ZC3H3: variants seen among roughly 807,000 people sequenced by gnomAD.
ZC3H3 encodes zinc finger CCCH-type containing 3.
ZC3H3 carries 36 observed loss-of-function variants against 77.3 expected under a neutral mutation model. The ratio of observed to expected loss-of-function variants is 0.47; its 90% CI spans 0.36 to 0.61. The LOEUF is 0.61. Among genes scored for constraint, ZC3H3 ranks in the 20% least tolerant of loss-of-function variants. ZC3H3 has a pLI of 0.00. For synonymous variants in ZC3H3, 626 were observed against 555.2 expected, an observed-to-expected ratio of 1.13 and a Z score of -1.79; for missense variants, 1,331 against 1,312.2, an observed-to-expected ratio of 1.01 and a Z score of -0.22.
At chr8:143,525,763 A>C (rs1369640544) in intron 3 of ZC3H3, among the ~76,000 whole-genome samples, 1 of 152,268 alleles carries the variant, frequency 6.6e-6, no homozygotes, top group Admixed American at 6.5e-5. Context: ...CCACGCAGTG[A>C]CCAGAGCTGG....
chr8:143,479,662 A>G (rs1820853105), intron 4 of ZC3H3, among the ~76,000 whole-genome samples: 2 of 152,242 alleles, frequency 1.3e-5, no homozygotes, highest in African/African-American at 4.8e-5. Flanking sequence ...TCCATTTGAA[A>G]TACTACAGCA....
intron 9 of ZC3H3, among the ~76,000 whole-genome samples, chr8:143,446,188 T>A (rs1323228865): frequency 6.6e-6 from 1 of 152,130 alleles, no homozygotes; most frequent in Admixed American, 6.5e-5. Context: ...TCCAGCTGGA[T>A]GAAAGTCTCA....
intron 3 of ZC3H3, among the ~76,000 whole-genome samples, chr8:143,511,312 C>G (rs1348447228): frequency 6.6e-6 from 1 of 152,246 alleles, no homozygotes; most frequent in African/African-American, 2.4e-5. Flanking sequence ...AATTCCAACA[C>G]AGATGGCTGG....
At chr8:143,505,670 G>A (rs185136435) in intron 4 of ZC3H3, among the ~76,000 whole-genome samples, 24 of 152,290 alleles carry the variant, frequency 1.6e-4, no homozygotes, top group African/African-American at 5.8e-4. Flanking sequence ...AGGAAAGCAA[G>A]GAGGGCCCCT....
rs187902174 is a variant in ZC3H3, at chr8:143,438,092, G to A, written c.2816-5C>T. 1.4e-3 allele frequency: 2,242 copies of A among 1,608,584 alleles called. 14 individuals are homozygous for A. The African/African-American group carries it at 0.016, about 11-fold the overall frequency. On this transcript the variant is annotated splice_polypyrimidine_tract_variant and splice_region_variant and intron_variant, in intron 11 of 11. Transcript: ENST00000262577. ...GTTTGATGTGCAGAGGCTTCCCTAT[G>A]CAAAGAGGGCAAAAGTTAGGTGCCC...
At position 143,541,399 on chromosome 8, in the gene ZC3H3, C is replaced by T; in HGVS notation, c.23G>A (p.Arg8Gln). Residue 8 changes from arginine to glutamine, a missense_variant, in exon 1 of 12, where the codon CGG (arginine) becomes CAG (glutamine). Transcript: ENST00000262577. MEEKEILRRQIRLLQGLI... is the reference protein window; with the variant it reads MEEKEILQRQIRLLQGLI... The stretch of plus-strand genomic sequence containing the variant: ...ACCCTGCAGTAGGCGGATCTGCCGC[C>T]GTAATATCTCCTTTTCCTCCATCTC... 1.2e-6 allele frequency: 2 copies of T among 1,611,988 alleles called. No homozygotes were observed. Among genetic ancestry groups the T allele is most frequent in the Non-Finnish European group, 1.7e-6 (2 of 1,179,488 alleles).
rs1822923219 is a variant in ZC3H3 at position 143,539,124 on chromosome 8, C to CG, written c.242dup (p.Pro83ThrfsTer30). 9.3e-6 allele frequency: 15 copies of CG among 1,612,784 alleles called. No individual in the cohort carries two copies. Among genetic ancestry groups the CG allele is most frequent in the South Asian group, 2.2e-5 (2 of 91,080 alleles). On this transcript the variant is annotated frameshift_variant, in exon 2 of 12. Transcript: ENST00000262577. LOFTEE classifies it high-confidence loss of function. ...GGTCGGCAGGAGGGTCTGAGGGTCC[C>CG]GGGGGCCGATTCACGAGGGAGTATT... is the stretch of plus-strand genomic sequence containing the variant.
intron 3 of ZC3H3, among the ~76,000 whole-genome samples, chr8:143,522,577 C>T (rs1822282698): frequency 6.6e-6 from 1 of 151,274 alleles, no homozygotes; most frequent in South Asian, 2.1e-4. Context: ...CACACTCCAG[C>T]CTAGGGAAGA....
rs752104066 is a variant in ZC3H3, at chr8:143,538,530, C to T, written c.837G>A (p.Val279=). Residue 279 remains valine (V), a synonymous_variant, in exon 2 of 12, where the codon GTG becomes GTA. Transcript: ENST00000262577. ...HTDQPVPSGS[V]GGPARPASGP... The stretch of plus-strand genomic sequence containing the variant: ...CTGAGGCCGGTCTGGCGGGGCCCCC[C>T]ACTGAGCCAGACGGAACTGGCTGAT... 6.8e-6 allele frequency: 11 copies of T among 1,612,068 alleles called. No individual in the cohort carries two copies. Among genetic ancestry groups the T allele is most frequent in the Admixed American group, 3.3e-5 (2 of 60,010 alleles).
rs1039624986 is a variant in ZC3H3, at chr8:143,470,545, C to T, written c.1904-1886G>A. 1.2e-4 allele frequency among the ~76,000 whole-genome samples: 19 copies of T among 152,174 alleles called. 1 individual carries two copies. Among genetic ancestry groups the T allele is most frequent in the Admixed American group, 1.1e-3 (17 of 15,282 alleles). On this transcript the variant is annotated intron_variant, in intron 5 of 11. Coordinates refer to ENST00000262577, the MANE Select transcript of ZC3H3 (RefSeq NM_015117.3). ...ACCTGCCAGCCTGTGGGGTGAGGGACGCGGCAATGCGGCGGTCTGTCGGCA... is the reference window on the plus strand; with the variant it reads ...ACCTGCCAGCCTGTGGGGTGAGGGATGCGGCAATGCGGCGGTCTGTCGGCA...
At position 143,538,804 on chromosome 8, in the gene ZC3H3, G is replaced by A. The variant is rs766138490; in HGVS notation, c.563C>T (p.Pro188Leu). ...RARGTCSVED[P>L]LLVCQKEPGK... ...AGGCTCCTTCTGGCAGACCAGAAGA[G>A]GATCTTCCACACTGCAGGTCCCCCT... Residue 188 changes from proline (P) to leucine (L), a missense_variant, in exon 2 of 12, where the codon CCT becomes CTT. Coordinates refer to ENST00000262577, the MANE Select transcript of ZC3H3 (RefSeq NM_015117.3). 3.1e-6 allele frequency: 5 copies of A among 1,612,300 alleles called. No individual in the cohort carries two copies. The African/African-American group carries it at 4.0e-5, about 13-fold the overall frequency.
intron 4 of ZC3H3, among the ~76,000 whole-genome samples, chr8:143,486,232 G>A (rs942802700): frequency 2.0e-5 from 3 of 152,260 alleles, no homozygotes; most frequent in Non-Finnish European, 2.9e-5. Context: ...CCCGCCAGGC[G>A]CGGCAATGTA....
chr8:143,439,106 T>TA lies in ZC3H3; in HGVS notation c.2815+934dup, dbSNP rs568475106. Among the ~76,000 whole-genome samples, 475 of 142,176 alleles carry TA rather than the reference T, an allele frequency of 3.3e-3. 2 individuals are homozygous for TA. The highest frequency in any genetic ancestry group is 7.7e-3 in the African/African-American group (297 of 38,766). The allele number at this position is 142,176 out of a possible 152,430, so 93.3% of individuals were successfully genotyped here. A position where few individuals can be genotyped will look rare whatever the true frequency, so the allele number is the denominator to read the frequency against. On this transcript the variant is annotated intron_variant, in intron 11 of 11. Coordinates refer to ENST00000262577, the MANE Select transcript of ZC3H3 (RefSeq NM_015117.3). ...GAACTGGCTGCTAGGTTCCTGATCT[T>TA]AAAAAAAAAAAAAAATACAAGTCGC...
In ZC3H3 at chr8:143,508,472, A is replaced by G. The variant is rs1412438053; in HGVS notation, c.1562-573T>C. On this transcript the variant is annotated intron_variant, in intron 3 of 11. Transcript: ENST00000262577. ...TGTTTTCATAACATTTTGCAGGGTG[A>G]TAGACACGACGGCTTTTTTCTTGCT... 2.6e-5 allele frequency among the ~76,000 whole-genome samples: 4 copies of G among 152,246 alleles called. No individual in the cohort carries two copies. In the East Asian group the frequency reaches 5.8e-4, roughly 22 times the overall value.
intron 1 of ZC3H3, 77 bp from the exon 2 acceptor site, chr8:143,539,397 C>T: frequency 7.3e-7 from 1 of 1,376,136 alleles, no homozygotes; most frequent in Non-Finnish European, 9.8e-7. Context: ...AGGGCATCAG[C>T]TGGCAAGATA....
intron 3 of ZC3H3, chr8:143,523,537 C>T (rs1394927228): frequency 3.0e-6 from 3 of 985,310 alleles, no homozygotes; most frequent in African/African-American, 1.7e-5. Context: ...GCCACCATCC[C>T]TCAGGCACCA....
chr8:143,482,785 A>C (rs556235120), intron 4 of ZC3H3, among the ~76,000 whole-genome samples: 6 of 152,342 alleles, frequency 3.9e-5, no homozygotes, highest in African/African-American at 1.4e-4. Context: ...AGGGACGTGC[A>C]ATATGCAGAC....
Position 143,465,850 on chromosome 8 carries a change from TGCAGGGAGGGCCG to T in ZC3H3, c.2176-15_2176-3del. 1 of 1,609,732 alleles carries T rather than the reference TGCAGGGAGGGCCG, an allele frequency of 6.2e-7. No individual in the cohort carries two copies. The highest frequency in any genetic ancestry group is 8.5e-7 in the Non-Finnish European group (1 of 1,179,660). ...CAGGAAGTAGGAGCACACCGGCATC[TGCAGGGAGGGCCG>T]GCAGTGAGGGCCAGCAGGCAGCCAC... On this transcript the variant is annotated splice_polypyrimidine_tract_variant and splice_region_variant and intron_variant, in intron 8 of 11. Coordinates refer to ENST00000262577, the MANE Select transcript of ZC3H3 (RefSeq NM_015117.3).
At chr8:143,528,932 G>A (rs921473141) in intron 3 of ZC3H3, among the ~76,000 whole-genome samples, 18 of 152,234 alleles carry the variant, frequency 1.2e-4, no homozygotes, top group African/African-American at 3.4e-4. Flanking sequence ...TTCTTAACAG[G>A]CAGGACGGAC....
Sources: allele counts gnomAD v4.1 joint callset (sites outside exome capture counted in the v4.1 genomes callset), GRCh38; gene constraint gnomAD v4.1.1; transcripts MANE v1.5; gene names NCBI Gene and HGNC (gene_info 2026-07-23, HGNC 2026-07-21).